SV2C: variants seen among roughly 807,000 people sequenced by gnomAD.
The protein encoded by SV2C is synaptic vesicle glycoprotein 2C.
In SV2C, 49 loss-of-function variants were observed where a neutral mutation model predicts 79.7. The ratio of observed to expected loss-of-function variants is 0.61; its 90% confidence interval spans 0.49 to 0.78. The LOEUF (loss-of-function observed/expected upper bound fraction) is 0.78, where lower values mean the gene tolerates loss of function less well. SV2C is among the 30% of genes least tolerant of loss of function. SV2C has a pLI of 0.00. For missense variants in SV2C, 833 were observed against 912.9 expected, an observed-to-expected ratio of 0.91 and a Z score of 1.13; for synonymous variants, 334 against 333.2, an observed-to-expected ratio of 1.00 and a Z score of -0.03.
At chr5:75,931,196 G>C in the SV2C span, among the ~76,000 whole-genome samples, 1 of 152,168 alleles carries the variant, frequency 6.6e-6, no homozygotes, top group Admixed American at 6.5e-5. Flanking sequence ...TAGAATCCTA[G>C]TTTTAGGAAT....
At chr5:76,087,534 G>C (rs368994390) in intron 1 of SV2C, among the ~76,000 whole-genome samples, 8 of 152,260 alleles carry the variant, frequency 5.3e-5, no homozygotes, top group Admixed American at 3.3e-4. Context: ...TCAAATAGTT[G>C]TGTATATCAT....
the SV2C span, among the ~76,000 whole-genome samples, chr5:75,967,359 G>A: frequency 6.6e-5 from 10 of 152,290 alleles, no homozygotes; most frequent in East Asian, 3.9e-4. Context: ...TGCATGAGCC[G>A]AAGCAGGGCA....
At chr5:76,157,747 A>T (rs1031873795) in intron 2 of SV2C, among the ~76,000 whole-genome samples, 8 of 152,020 alleles carry the variant, frequency 5.3e-5, no homozygotes, top group Non-Finnish European at 5.9e-5. Context: ...AAGTTAACAT[A>T]ACAAAAGATA....
the SV2C span, among the ~76,000 whole-genome samples, chr5:75,971,573 C>T: frequency 1.3e-4 from 20 of 152,192 alleles, no homozygotes; most frequent in Non-Finnish European, 2.2e-4. Flanking sequence ...CTCCCATTCA[C>T]AATTGCTTCA....
chr5:75,937,803 A>G, the SV2C span, among the ~76,000 whole-genome samples: 1 of 152,194 alleles, frequency 6.6e-6, no homozygotes. Flanking sequence ...TGGTAGCATC[A>G]ACATTCCCAT....
chr5:75,854,886 A>G, the SV2C span, among the ~76,000 whole-genome samples: 2 of 152,166 alleles, frequency 1.3e-5, no homozygotes, highest in Admixed American at 6.5e-5. Flanking sequence ...ATTTTTTATT[A>G]TGATGAGAAG....
chr5:76,060,976 G>A, the SV2C span, among the ~76,000 whole-genome samples: 38 of 151,960 alleles, frequency 2.5e-4, no homozygotes, highest in Non-Finnish European at 4.9e-4. Flanking sequence ...AGGGAGGCTC[G>A]AGGAGAGGGA....
the SV2C span, chr5:75,911,899 C>T: frequency 1.0e-5 from 5 of 501,758 alleles, no homozygotes; most frequent in Non-Finnish European, 1.6e-5. Flanking sequence ...TCCTCTCACC[C>T]CACACCTCCC....
chr5:75,985,175 A>G, the SV2C span, among the ~76,000 whole-genome samples: 12 of 151,884 alleles, frequency 7.9e-5, no homozygotes, highest in Non-Finnish European at 1.3e-4. Context: ...AGAAAGAGAG[A>G]AAGAAATCCT....
At chr5:76,300,999 C>G (rs1412340528) in intron 11 of SV2C, 67 bp downstream of exon 11, 1 of 1,542,054 alleles carries the variant, frequency 6.5e-7, no homozygotes, top group African/African-American at 1.4e-5. Context: ...CTGTTTCCCC[C>G]TGTACTCCCA....
chr5:76,035,362 T>G, the SV2C span, among the ~76,000 whole-genome samples: 75 of 152,300 alleles, frequency 4.9e-4, no homozygotes, highest in African/African-American at 1.7e-3. Flanking sequence ...TTTTGGATCT[T>G]TCCTCCTTTC....
At chr5:76,246,324 G>A (rs1035932104) in intron 4 of SV2C, among the ~76,000 whole-genome samples, 3 of 152,128 alleles carry the variant, frequency 2.0e-5, no homozygotes, top group Admixed American at 6.5e-5. Context: ...AAAGTTCTCA[G>A]TATTTATCTA....
intron 4 of SV2C, among the ~76,000 whole-genome samples, chr5:76,225,896 G>A (rs1745221764): frequency 6.6e-6 from 1 of 152,120 alleles, no homozygotes; most frequent in African/African-American, 2.4e-5. Context: ...ATGCTCATTG[G>A]GCATCCGTCT....
chr5:75,915,212 G>C, the SV2C span, among the ~76,000 whole-genome samples: 1 of 152,172 alleles, frequency 6.6e-6, no homozygotes, highest in Non-Finnish European at 1.5e-5. Flanking sequence ...GAGGCATAGA[G>C]AGGCTATTTC....
intron 4 of SV2C, among the ~76,000 whole-genome samples, chr5:76,231,586 G>A (rs201175067): frequency 1.5e-5 from 2 of 133,528 alleles, no homozygotes; most frequent in African/African-American, 3.5e-5. Flanking sequence ...ATCCCTCCCC[G>A]CTCCCCCCAC....
intron 1 of SV2C, among the ~76,000 whole-genome samples, chr5:76,106,097 T>G (rs1580269930): frequency 6.6e-6 from 1 of 152,132 alleles, no homozygotes; most frequent in Admixed American, 6.5e-5. Flanking sequence ...AAAGCTGAAC[T>G]CTTGATGCCT....
At chr5:76,336,086 G>A (rs181774), downstream of SV2C, among the ~76,000 whole-genome samples, 5 of 58,778 alleles carry the variant, frequency 8.5e-5, no homozygotes, top group Non-Finnish European at 1.8e-4. Context: ...CGGGGCGGCT[G>A]GCCGGGCGGG....
At chr5:75,901,962 A>G in the SV2C span, among the ~76,000 whole-genome samples, 1 of 152,166 alleles carries the variant, frequency 6.6e-6, no homozygotes, top group African/African-American at 2.4e-5. Flanking sequence ...TTCGGGTGGG[A>G]GTGACCCGAT....
intron 4 of SV2C, among the ~76,000 whole-genome samples, chr5:76,275,038 A>G (rs990856497): frequency 7.2e-5 from 11 of 152,172 alleles, no homozygotes; most frequent in African/African-American, 2.4e-4. Context: ...ACCATAGACA[A>G]ATCAATACAG....
Sources: allele counts gnomAD v4.1 joint callset (sites outside exome capture counted in the v4.1 genomes callset), GRCh38; gene constraint gnomAD v4.1.1; transcripts MANE v1.5; gene names NCBI Gene and HGNC (gene_info 2026-07-23, HGNC 2026-07-21).